EPB41L3: variants seen among roughly 807,000 people sequenced by gnomAD.
EPB41L3 encodes the protein erythrocyte membrane protein band 4.1 like 3.
EPB41L3 carries 57 observed loss-of-function variants against 127.1 expected under a neutral mutation model. The observed-to-expected ratio is 0.45, with a 90% CI of 0.36 to 0.56. The LOEUF (loss-of-function observed/expected upper bound fraction) is 0.56. Ranked by LOEUF, EPB41L3 falls within the 20% of genes least tolerant of loss-of-function variation. EPB41L3 has a pLI of 0.00. For synonymous variants in EPB41L3, 572 were observed against 549.5 expected (o/e 1.04, Z -0.57); for missense variants, 1,273 against 1,372.2 (o/e 0.93, Z 1.14).
chr18:5,575,982 C>T (rs2094333536), intron 3 of EPB41L3, among the ~76,000 whole-genome samples: 1 of 152,152 alleles, frequency 6.6e-6, no homozygotes, highest in Non-Finnish European at 1.5e-5. Context: ...AATACAACTA[C>T]AAATATGAAT....
In EPB41L3 at chr18:5,397,334, G is replaced by C; in HGVS notation, c.2565C>G (p.Thr855=). 6.2e-7 allele frequency: 1 copy of C among 1,613,976 alleles called. No homozygotes were observed. The highest frequency in any genetic ancestry group is 8.5e-7 in the Non-Finnish European group (1 of 1,180,038). The change falls in exon 18 of 23, where the codon ACC becomes ACG. Residue 855 remains threonine, a synonymous_variant. Transcript: ENST00000341928. The surrounding 1 kb of genome is among the most constrained non-coding windows in gnomAD (Gnocchi z 4.1). ...CCACACGCCGCTCCTCCACCAACAC[G>C]GTCTCCTGCACCACCTTCTCAGTGC... ...PLSTEKVVQE[T]VLVEERRVVH... is the part of the protein sequence containing the mutation.
intron 2 of EPB41L3, among the ~76,000 whole-genome samples, chr18:5,487,820 T>C (rs112200509): frequency 0.012 from 1,805 of 151,590 alleles, 32 homozygotes; most frequent in African/African-American, 0.041. Context: ...CTGCAAATAC[T>C]CTAGGTAAAG....
chr18:5,393,692 AT>A (rs952383842), intron 22 of EPB41L3: 122 of 445,424 alleles, frequency 2.7e-4, no homozygotes, highest in South Asian at 6.8e-4. Context: ...AATCTGTTTT[AT>A]TTTTTTTGCT....
At chr18:5,415,305 C>T (rs2076662894) in intron 13 of EPB41L3, among the ~76,000 whole-genome samples, 1 of 152,164 alleles carries the variant, frequency 6.6e-6, no homozygotes, top group Non-Finnish European at 1.5e-5. Context: ...CAATGATGAG[C>T]AGAGGGTGGT....
At chr18:5,524,789 A>C (rs1225607354) in intron 1 of EPB41L3, among the ~76,000 whole-genome samples, 1 of 152,142 alleles carries the variant, frequency 6.6e-6, no homozygotes, top group Non-Finnish European at 1.5e-5. Flanking sequence ...AGCGTGGATC[A>C]CATGCAAAAG....
chr18:5,559,588 A>G (rs1473180700), intron 3 of EPB41L3, among the ~76,000 whole-genome samples: 1 of 152,244 alleles, frequency 6.6e-6, no homozygotes, highest in Non-Finnish European at 1.5e-5. Context: ...GAAGTGAAAC[A>G]GTCTTTCTAA....
chr18:5,613,227 G>A (rs551071505), intron 2 of EPB41L3, among the ~76,000 whole-genome samples: 1 of 152,236 alleles, frequency 6.6e-6, no homozygotes, highest in African/African-American at 2.4e-5. Context: ...CTAGACATTT[G>A]TTTTCTTGAG....
intron 3 of EPB41L3, among the ~76,000 whole-genome samples, chr18:5,567,732 T>A (rs571284730): frequency 7.2e-5 from 11 of 152,256 alleles, no homozygotes; most frequent in African/African-American, 2.6e-4. Flanking sequence ...CATGAGCTAG[T>A]GGGGAAAAAA....
intron 6 of EPB41L3, among the ~76,000 whole-genome samples, chr18:5,435,025 T>C (rs1431612690): frequency 6.6e-6 from 1 of 152,118 alleles, no homozygotes; most frequent in African/African-American, 2.4e-5. Context: ...TAATAATATA[T>C]GTGTTTATGT....
At chr18:5,470,443 AAAG>A (rs1264756113) in intron 3 of EPB41L3, among the ~76,000 whole-genome samples, 2 of 152,270 alleles carry the variant, frequency 1.3e-5, no homozygotes, top group Non-Finnish European at 2.9e-5. Context: ...TTAAAATTGT[AAAG>A]AAGAAAAACC....
intron 5 of EPB41L3, among the ~76,000 whole-genome samples, chr18:5,441,352 T>C (rs2080695203): frequency 6.6e-6 from 1 of 152,328 alleles, no homozygotes; most frequent in East Asian, 1.9e-4. Context: ...AATAATTACA[T>C]TAGATAAGGT....
Position 5,395,635 on chromosome 18 carries a change from T to TA in EPB41L3, c.3045dup (p.Thr1016TyrfsTer21). ...TTGGTGATGTGCGTAGTGGTGGTGGTACTGGTGGTTTCAGATGTGATCGTC... is the reference window on the plus strand; with the variant it reads ...TTGGTGATGTGCGTAGTGGTGGTGGTAACTGGTGGTTTCAGATGTGATCGTC... On this transcript the variant is annotated frameshift_variant, in exon 20 of 23. Coordinates refer to ENST00000341928, the MANE Select transcript of EPB41L3 (RefSeq NM_012307.5). LOFTEE classifies it high-confidence loss of function. 1 of 1,614,150 alleles carries TA rather than the reference T, an allele frequency of 6.2e-7. No homozygotes were observed. The highest frequency in any genetic ancestry group is 8.5e-7 in the Non-Finnish European group (1 of 1,180,000).
intron 1 of EPB41L3, among the ~76,000 whole-genome samples, chr18:5,533,198 G>A (rs150451792): frequency 1.3e-5 from 2 of 152,280 alleles, no homozygotes; most frequent in African/African-American, 4.8e-5. Context: ...TGTCGGGCTT[G>A]CTGCCTCTTT....
Position 5,543,943 on chromosome 18 carries a change from C to G in EPB41L3, c.-42G>C. On this transcript the variant is annotated 5_prime_UTR_variant, in exon 1 of 23. Transcript: ENST00000341928. This position sits in a 1 kb window ranked among gnomAD's most constrained non-coding sequence, Gnocchi z 5.2. The stretch of plus-strand genomic sequence containing the variant: ...ATCAGCAGGGAGCCCGGGCGCGCCG[C>G]GGCGTGGGGACTAGGCTCGGGCGCG... 1.0e-6 allele frequency: 1 copy of G among 985,686 alleles called. No homozygotes were observed. Among genetic ancestry groups the G allele is most frequent in the Non-Finnish European group, 1.2e-6 (1 of 830,088 alleles). 61.1% of individuals were successfully genotyped at this position (985,686 alleles called of 1,614,324 possible). A position where few individuals can be genotyped will look rare whatever the true frequency, so the allele number is the denominator to read the frequency against.
intron 3 of EPB41L3, among the ~76,000 whole-genome samples, chr18:5,604,601 G>A (rs2094628323): frequency 6.6e-6 from 1 of 152,008 alleles, no homozygotes; most frequent in African/African-American, 2.4e-5. Flanking sequence ...TTACAGATGT[G>A]CACCACTATT....
chr18:5,485,160 T>C (rs541136210), intron 2 of EPB41L3, among the ~76,000 whole-genome samples: 2 of 152,140 alleles, frequency 1.3e-5, no homozygotes, highest in African/African-American at 4.8e-5. Context: ...CATGATTAAA[T>C]GTGATTCATC....
chr18:5,399,677 G>C, intron 16 of EPB41L3: 1 of 251,968 alleles, frequency 4.0e-6, no homozygotes, highest in Non-Finnish European at 7.4e-6. Flanking sequence ...ATAAATTTTG[G>C]ATCATTTTAT....
At chr18:5,589,476 T>C (rs1197855917) in intron 3 of EPB41L3, among the ~76,000 whole-genome samples, 5 of 152,212 alleles carry the variant, frequency 3.3e-5, no homozygotes, top group Non-Finnish European at 1.5e-5. Flanking sequence ...TTTTTGATCA[T>C]GTGGCTATAA....
At chr18:5,424,217 AT>A (rs1568104432) in intron 10 of EPB41L3, 44 bp downstream of exon 10, 1 of 1,342,880 alleles carries the variant, frequency 7.4e-7, no homozygotes, top group East Asian at 2.4e-5. Flanking sequence ...AGTATAAGTG[AT>A]TATAATTATT....
Sources: allele counts gnomAD v4.1 joint callset (sites outside exome capture counted in the v4.1 genomes callset), GRCh38; gene constraint gnomAD v4.1.1; non-coding constraint Gnocchi (gnomAD v3.1); transcripts MANE v1.5; gene names NCBI Gene and HGNC (gene_info 2026-07-23, HGNC 2026-07-21).